Variants in CLDN10 observed in about 807,000 individuals in gnomAD.
CLDN10 encodes claudin 10, also known as claudin-10.
Under a neutral mutation model 22.9 loss-of-function variants are expected in CLDN10, and 15 were observed. The ratio of observed to expected loss-of-function variants is 0.65; its 90% confidence interval spans 0.44 to 1.01. The LOEUF (loss-of-function observed/expected upper bound fraction) is 1.01. Among genes scored for constraint, CLDN10 ranks in the 50% least tolerant of loss-of-function variants. The probability of loss-of-function intolerance (pLI) is 0.00; values close to 1 mark genes in which losing one functional copy is unlikely to be tolerated. For synonymous variants in CLDN10, 114 were observed against 111.4 expected (o/e 1.02, Z -0.15); for missense variants, 247 against 287.8 (o/e 0.86, Z 1.03).
intron 1 of CLDN10, among the ~76,000 whole-genome samples, chr13:95,497,811 A>C (rs1321314134): frequency 6.6e-6 from 1 of 152,214 alleles, no homozygotes; most frequent in Non-Finnish European, 1.5e-5. Context: ...AAAACAGGCC[A>C]CTGAATACTA....
At chr13:95,492,269 G>A (rs2042880386) in intron 1 of CLDN10, among the ~76,000 whole-genome samples, 1 of 151,994 alleles carries the variant, frequency 6.6e-6, no homozygotes, top group Non-Finnish European at 1.5e-5. Context: ...AGGGCGGGTA[G>A]GGAAGGACCA....
rs963062165 is a variant in CLDN10 at position 95,569,084 on chromosome 13, CACTT to C, written c.465-8143_465-8140del. Among the ~76,000 whole-genome samples the C allele has an allele frequency of 4.6e-5, 7 of 152,212 alleles. No homozygotes were observed. In the East Asian group the frequency reaches 1.3e-3, roughly 29 times the overall value. ...TAGAATCATGCTAGTTCATAGTAAA[CACTT>C]ACTAAATGCTAGCTACTATTTTTAG... is the stretch of plus-strand genomic sequence containing the variant. On this transcript the variant is annotated intron_variant, in intron 3 of 4. Coordinates refer to ENST00000299339, the MANE Select transcript of CLDN10 (RefSeq NM_006984.5).
chr13:95,500,698 G>A (rs531947222), intron 1 of CLDN10, among the ~76,000 whole-genome samples: 1 of 152,186 alleles, frequency 6.6e-6, no homozygotes, highest in African/African-American at 2.4e-5. Flanking sequence ...ATCAGTGAAT[G>A]ACAAAGTTGG....
At chr13:95,512,806 C>T (rs2043118755) in intron 1 of CLDN10, among the ~76,000 whole-genome samples, 1 of 152,254 alleles carries the variant, frequency 6.6e-6, no homozygotes, top group African/African-American at 2.4e-5. Flanking sequence ...CAGCTTTTCA[C>T]CCACAGAAAG....
intron 1 of CLDN10, among the ~76,000 whole-genome samples, chr13:95,532,181 T>C (rs2043350386): frequency 1.3e-5 from 2 of 152,134 alleles, no homozygotes; most frequent in Non-Finnish European, 2.9e-5. Context: ...ATCATCAACA[T>C]TTAAAACTTC....
chr13:95,501,722 T>A (rs1382303066), intron 1 of CLDN10, among the ~76,000 whole-genome samples: 1 of 152,204 alleles, frequency 6.6e-6, no homozygotes, highest in Non-Finnish European at 1.5e-5. Flanking sequence ...TTTTATCTTT[T>A]AAAAAAATCT....
rs918920964 is a variant in CLDN10, at chr13:95,554,562, G to A, written c.220+1589G>A. 5.9e-5 allele frequency among the ~76,000 whole-genome samples: 9 copies of A among 152,204 alleles called. No individual in the cohort carries two copies. In the South Asian group the frequency reaches 6.2e-4, roughly 11 times the overall value. Reference sequence around the variant, plus strand: ...GAATAGTTGTCCTGGTTAGCTGGGAGGAGAACAGAGAGGAGTGACATTTTT... The same window carrying A: ...GAATAGTTGTCCTGGTTAGCTGGGAAGAGAACAGAGAGGAGTGACATTTTT... On this transcript the variant is annotated intron_variant, in intron 1 of 4. Coordinates refer to ENST00000299339, the MANE Select transcript of CLDN10 (RefSeq NM_006984.5).
chr13:95,490,706 A>T (rs541191921), intron 1 of CLDN10, among the ~76,000 whole-genome samples: 2 of 152,280 alleles, frequency 1.3e-5, no homozygotes, highest in South Asian at 4.1e-4. Context: ...TCTTGGAGAA[A>T]GTTCCATGCT....
intron 1 of CLDN10, among the ~76,000 whole-genome samples, chr13:95,463,235 T>A (rs2042551020): frequency 6.9e-6 from 1 of 144,518 alleles, no homozygotes; most frequent in Non-Finnish European, 1.5e-5. Flanking sequence ...TATGTATGTA[T>A]ATATATTTCT....
At chr13:95,451,702 A>G (rs982091662) in intron 1 of CLDN10, among the ~76,000 whole-genome samples, 2 of 152,226 alleles carry the variant, frequency 1.3e-5, no homozygotes, top group African/African-American at 2.4e-5. Flanking sequence ...CAGGGATCCA[A>G]CAACTTCTTT....
chr13:95,562,069 A>T (rs543394171), intron 3 of CLDN10, among the ~76,000 whole-genome samples: 1 of 151,912 alleles, frequency 6.6e-6, no homozygotes, highest in South Asian at 2.1e-4. Context: ...AGCTGGGATT[A>T]CAGGCACGCA....
chr13:95,559,704 A>C (rs2043680209), intron 1 of CLDN10, among the ~76,000 whole-genome samples: 1 of 152,204 alleles, frequency 6.6e-6, no homozygotes, highest in Non-Finnish European at 1.5e-5. Flanking sequence ...CAATGAGCGG[A>C]GGAGCTACAG....
chr13:95,500,718 T>G (rs1160971637), intron 1 of CLDN10, among the ~76,000 whole-genome samples: 1 of 152,090 alleles, frequency 6.6e-6, no homozygotes, highest in Non-Finnish European at 1.5e-5. Flanking sequence ...GAGAGGTGGG[T>G]TGGGGCAAGC....
At chr13:95,572,361 C>CA (rs1185970687) in intron 3 of CLDN10, among the ~76,000 whole-genome samples, 1 of 152,124 alleles carries the variant, frequency 6.6e-6, no homozygotes, top group Admixed American at 6.5e-5. Flanking sequence ...CTTCGGTTTG[C>CA]AATCACAGTT....
intron 1 of CLDN10, among the ~76,000 whole-genome samples, chr13:95,466,870 C>T (rs56373868): frequency 6.7e-6 from 1 of 149,574 alleles, no homozygotes; most frequent in Admixed American, 6.6e-5. Context: ...CTCTATACCC[C>T]CTCTACTTTT....
chr13:95,567,840 A>G (rs938838820), intron 3 of CLDN10, among the ~76,000 whole-genome samples: 12 of 152,142 alleles, frequency 7.9e-5, no homozygotes, highest in African/African-American at 2.9e-4. Flanking sequence ...AGGGCTGTTG[A>G]ATTTTGTCGA....
At chr13:95,570,403 G>T (rs1175494718) in intron 3 of CLDN10, among the ~76,000 whole-genome samples, 1 of 152,166 alleles carries the variant, frequency 6.6e-6, no homozygotes, top group African/African-American at 2.4e-5. Context: ...TTTGGAACAT[G>T]AGATGTTCCT....
At chr13:95,549,036 A>T (rs1011911494), upstream of CLDN10, among the ~76,000 whole-genome samples, 12 of 152,222 alleles carry the variant, frequency 7.9e-5, no homozygotes, top group Admixed American at 3.9e-4. Context: ...AACCATAATA[A>T]GCCAAAGAAA....
chr13:95,462,975 T>C (rs1157395552), intron 1 of CLDN10, among the ~76,000 whole-genome samples: 1 of 152,148 alleles, frequency 6.6e-6, no homozygotes, highest in Non-Finnish European at 1.5e-5. Context: ...AATCAGTGGC[T>C]GTAAGCTGCT....
Sources: gnomAD v4.1 joint callset for allele counts (sites outside exome capture counted in the v4.1 genomes callset) on GRCh38, gnomAD v4.1.1 for gene constraint, MANE v1.5 for transcripts, NCBI Gene and HGNC (gene_info 2026-07-23, HGNC 2026-07-21) for gene names.